Variants in AGMO observed in about 807,000 individuals in gnomAD.
AGMO encodes the protein alkylglycerol monooxygenase.
AGMO carries 75 observed loss-of-function variants against 60.2 expected under a neutral mutation model. The observed-to-expected ratio is 1.25, with a 90% CI of 1.03 to 1.51. AGMO has a LOEUF of 1.51. Among genes scored for constraint, AGMO ranks in the 40% most tolerant of loss-of-function variants. The pLI is 0.00. For synonymous variants in AGMO, 261 were observed against 177.1 expected, an observed-to-expected ratio of 1.47 and a Z score of -3.76; for missense variants, 763 against 525.5, an observed-to-expected ratio of 1.45 and a Z score of -4.42.
intron 12 of AGMO, among the ~76,000 whole-genome samples, chr7:15,240,041 A>G (rs1027877732): frequency 2.8e-4 from 42 of 152,274 alleles, no homozygotes; most frequent in East Asian, 2.5e-3. Context: ...ACTCATTACG[A>G]AACAGTAACT....
the AGMO span, among the ~76,000 whole-genome samples, chr7:15,126,771 C>T: frequency 1.3e-5 from 2 of 152,128 alleles, no homozygotes; most frequent in Non-Finnish European, 2.9e-5. Flanking sequence ...GAAAAATCCA[C>T]ATTCTATAGA....
At chr7:15,170,284 T>A in the AGMO span, among the ~76,000 whole-genome samples, 1 of 152,252 alleles carries the variant, frequency 6.6e-6, no homozygotes, top group South Asian at 2.1e-4. Context: ...AGAAAATACA[T>A]TTGTTTATTG....
At chr7:15,332,619 T>C (rs1781533387) in intron 12 of AGMO, among the ~76,000 whole-genome samples, 1 of 152,086 alleles carries the variant, frequency 6.6e-6, no homozygotes, top group East Asian at 1.9e-4. Context: ...CAAGTAAAAA[T>C]ATCATGTAAG....
At chr7:15,332,935 T>A (rs1373539938) in intron 12 of AGMO, among the ~76,000 whole-genome samples, 2 of 152,142 alleles carry the variant, frequency 1.3e-5, no homozygotes, top group Admixed American at 6.6e-5. Flanking sequence ...CCTGGGCATA[T>A]GAAAGTTAAA....
chr7:15,315,395 T>C (rs1780894001), intron 12 of AGMO, among the ~76,000 whole-genome samples: 1 of 131,876 alleles, frequency 7.6e-6, no homozygotes, highest in African/African-American at 2.9e-5. Flanking sequence ...TGGAGTGTAG[T>C]GGCGCGATCT....
chr7:15,425,459 G>T (rs1338557291), intron 4 of AGMO, among the ~76,000 whole-genome samples: 1 of 148,776 alleles, frequency 6.7e-6, no homozygotes, highest in African/African-American at 2.5e-5. Context: ...TTGAGAAAGA[G>T]GGTCTTGCTC....
chr7:15,220,387 A>T (rs1383477026), intron 12 of AGMO, among the ~76,000 whole-genome samples: 1 of 143,544 alleles, frequency 7.0e-6, no homozygotes. Context: ...TTCCTGGCTA[A>T]TTTTTTTTTT....
chr7:15,534,944 A>T (rs1447518429), intron 3 of AGMO, among the ~76,000 whole-genome samples: 2 of 151,916 alleles, frequency 1.3e-5, no homozygotes, highest in African/African-American at 4.8e-5. Flanking sequence ...GTCAGACAAC[A>T]TATGAATTCA....
At chr7:15,120,751 ATTTC>A in the AGMO span, among the ~76,000 whole-genome samples, 50,751 of 151,498 alleles carry the variant, frequency 0.33, 10,242 homozygotes, top group East Asian at 0.68. Flanking sequence ...AAGATAATAT[ATTTC>A]TTTCTTTCTT....
At chr7:15,349,339 C>G (rs1488622352) in intron 12 of AGMO, among the ~76,000 whole-genome samples, 3 of 152,102 alleles carry the variant, frequency 2.0e-5, no homozygotes, top group Non-Finnish European at 2.9e-5. Flanking sequence ...TGAGTGCCAT[C>G]CTTGCCAGAA....
intron 12 of AGMO, among the ~76,000 whole-genome samples, chr7:15,217,456 C>T (rs1202596210): frequency 6.6e-6 from 1 of 151,866 alleles, no homozygotes; most frequent in African/African-American, 2.4e-5. Context: ...GGAGAATTTA[C>T]ACCACAAATA....
At chr7:15,147,909 T>C in the AGMO span, among the ~76,000 whole-genome samples, 18,087 of 152,220 alleles carry the variant, frequency 0.12, 1,353 homozygotes, top group Non-Finnish European at 0.17. Flanking sequence ...AGCATTATTA[T>C]TTTGACTATT....
At chr7:15,378,433 T>G (rs1225176199) in intron 10 of AGMO, among the ~76,000 whole-genome samples, 1 of 152,000 alleles carries the variant, frequency 6.6e-6, no homozygotes, top group Non-Finnish European at 1.5e-5. Flanking sequence ...ATCCTTCTGT[T>G]TTCCAATTGC....
At chr7:15,358,509 T>G (rs1390976686) in intron 12 of AGMO, 2 of 459,040 alleles carry the variant, frequency 4.4e-6, no homozygotes, top group Non-Finnish European at 9.0e-6. Flanking sequence ...AACTGTGAAT[T>G]AGGAGGGTAA....
At chr7:15,550,062 G>A (rs1198348265) in intron 2 of AGMO, among the ~76,000 whole-genome samples, 2 of 152,116 alleles carry the variant, frequency 1.3e-5, no homozygotes, top group Admixed American at 6.5e-5. Context: ...GCTCCTGAAT[G>A]ACTACTGGAT....
At position 15,221,177 on chromosome 7, in the gene AGMO, T is replaced by TAA. The variant is rs1781909885; in HGVS notation, c.1264-19819_1264-19818insTT. On this transcript the variant is annotated intron_variant, in intron 12 of 12. Transcript: ENST00000342526. ...TGTAGGAGAATCATTTGGCCCCTTT[T>TAA]ACCTTCTGGATATTGAGGACATGTG... Among the ~76,000 whole-genome samples, 4 of 152,132 alleles carry TAA rather than the reference T, an allele frequency of 2.6e-5. No individual in the cohort carries two copies. The South Asian group carries it at 8.3e-4, about 31-fold the overall frequency.
At chr7:15,331,904 C>A (rs1431430349) in intron 12 of AGMO, among the ~76,000 whole-genome samples, 5 of 149,888 alleles carry the variant, frequency 3.3e-5, no homozygotes, top group African/African-American at 7.4e-5. Flanking sequence ...CCAGCTTGGA[C>A]AACAAGAGTA....
intron 3 of AGMO, among the ~76,000 whole-genome samples, chr7:15,479,466 C>T (rs1782691821): frequency 6.6e-6 from 1 of 152,170 alleles, no homozygotes; most frequent in Non-Finnish European, 1.5e-5. Context: ...CTCCAGACTC[C>T]TGAGCCAATG....
At chr7:15,491,956 C>T (rs1037057604) in intron 3 of AGMO, among the ~76,000 whole-genome samples, 2 of 152,166 alleles carry the variant, frequency 1.3e-5, no homozygotes, top group Non-Finnish European at 2.9e-5. Context: ...TCTATTTAGA[C>T]CAAAGTTAGA....
Sources: gnomAD v4.1 joint callset for allele counts (sites outside exome capture counted in the v4.1 genomes callset) on GRCh38, gnomAD v4.1.1 for gene constraint, MANE v1.5 for transcripts, NCBI Gene and HGNC (gene_info 2026-07-23, HGNC 2026-07-21) for gene names.